FARS2: variants seen among roughly 807,000 people sequenced by gnomAD.
FARS2 encodes the protein phenylalanyl-tRNA synthetase 2, mitochondrial.
A neutral mutation model predicts 46.4 loss-of-function variants in FARS2; 40 were observed. The ratio of observed to expected loss-of-function variants is 0.86; its 90% CI spans 0.67 to 1.12. The LOEUF (loss-of-function observed/expected upper bound fraction) is 1.12. FARS2 is among the 50% of genes most tolerant of loss of function. The pLI is 0.00. For missense variants in FARS2, 513 were observed against 567.9 expected (o/e 0.90, Z 0.98); for synonymous variants, 234 against 214.9 (o/e 1.09, Z -0.78).
chr6:5,317,170 A>G (rs1441272347), intron 1 of FARS2, among the ~76,000 whole-genome samples: 3 of 152,244 alleles, frequency 2.0e-5, no homozygotes, highest in African/African-American at 7.2e-5. Context: ...TACAGCAAAC[A>G]GTAAAAACAG....
chr6:5,751,027 G>A (rs1467807237), intron 6 of FARS2, among the ~76,000 whole-genome samples: 2 of 152,064 alleles, frequency 1.3e-5, no homozygotes, highest in South Asian at 2.1e-4. Flanking sequence ...GGGTTTTGGG[G>A]GGCTGGGCCG....
At chr6:5,653,111 A>T (rs1777447634) in intron 6 of FARS2, among the ~76,000 whole-genome samples, 1 of 152,214 alleles carries the variant, frequency 6.6e-6, no homozygotes, top group Non-Finnish European at 1.5e-5. Context: ...CAGTAAATCT[A>T]ATCATAAATA....
At chr6:5,267,771 T>C (rs1405521350) in intron 1 of FARS2, among the ~76,000 whole-genome samples, 1 of 142,354 alleles carries the variant, frequency 7.0e-6, no homozygotes, top group South Asian at 2.2e-4. Context: ...AAAAAAAAAA[T>C]CGCCACACTG....
chr6:5,393,603 G>A (rs1422975035), intron 2 of FARS2, among the ~76,000 whole-genome samples: 4 of 152,258 alleles, frequency 2.6e-5, no homozygotes, highest in Non-Finnish European at 5.9e-5. Context: ...GTTGCAGTGA[G>A]CTGAGATCTT....
intron 5 of FARS2, among the ~76,000 whole-genome samples, chr6:5,552,366 A>C (rs1398304516): frequency 6.6e-6 from 1 of 152,220 alleles, no homozygotes; most frequent in African/African-American, 2.4e-5. Context: ...TCCCCTGGCC[A>C]GGAAACTCTG....
At chr6:5,645,227 A>G (rs1372217623) in intron 6 of FARS2, among the ~76,000 whole-genome samples, 2 of 152,214 alleles carry the variant, frequency 1.3e-5, no homozygotes, top group Non-Finnish European at 2.9e-5. Context: ...ACTGGACAAG[A>G]GTGCATTTAC....
intron 4 of FARS2, among the ~76,000 whole-genome samples, chr6:5,465,964 C>G (rs948302331): frequency 1.3e-5 from 2 of 152,088 alleles, no homozygotes; most frequent in Admixed American, 6.6e-5. Context: ...CAATTTTATC[C>G]TTATTTTTAA....
intron 4 of FARS2, among the ~76,000 whole-genome samples, chr6:5,441,858 G>T (rs1172234119): frequency 6.6e-6 from 1 of 152,176 alleles, no homozygotes; most frequent in Non-Finnish European, 1.5e-5. Context: ...ATATTGTCTT[G>T]AGCCTTTCTA....
chr6:5,669,751 G>C (rs1047415075), intron 6 of FARS2, among the ~76,000 whole-genome samples: 7 of 152,106 alleles, frequency 4.6e-5, no homozygotes, highest in African/African-American at 1.7e-4. Flanking sequence ...AGAGTGAAGC[G>C]GAGTGGCTGC....
intron 6 of FARS2, among the ~76,000 whole-genome samples, chr6:5,616,090 G>C (rs1214772311): frequency 4.0e-5 from 6 of 149,040 alleles, no homozygotes; most frequent in East Asian, 2.0e-4. Context: ...TCTGAGATGT[G>C]CCACTCTGTG....
intron 4 of FARS2, among the ~76,000 whole-genome samples, chr6:5,446,771 T>A: frequency 6.6e-6 from 1 of 152,202 alleles, no homozygotes; most frequent in Middle Eastern, 3.4e-3. Flanking sequence ...TTATAAGATA[T>A]ATATATATAG....
chr6:5,501,830 G>A (rs1255726531), intron 4 of FARS2, among the ~76,000 whole-genome samples: 1 of 152,174 alleles, frequency 6.6e-6, no homozygotes, highest in Non-Finnish European at 1.5e-5. Flanking sequence ...ATCATTACGG[G>A]TTGCATTAAA....
At chr6:5,767,448 A>G (rs953459094) in intron 6 of FARS2, among the ~76,000 whole-genome samples, 16 of 152,206 alleles carry the variant, frequency 1.1e-4, no homozygotes, top group African/African-American at 3.6e-4. Flanking sequence ...GTTTCAACAC[A>G]TGCTATCAAT....
chr6:5,410,149 G>GTTTT (rs1171325752), intron 3 of FARS2, among the ~76,000 whole-genome samples: 3,365 of 119,212 alleles, frequency 0.028, 92 homozygotes, highest in African/African-American at 0.038. Flanking sequence ...TCGTTTTTGT[G>GTTTT]TTTTTTTGTT....
chr6:5,761,669 A>T (rs1305981566), intron 6 of FARS2, among the ~76,000 whole-genome samples: 2 of 152,226 alleles, frequency 1.3e-5, no homozygotes, highest in Non-Finnish European at 2.9e-5. Flanking sequence ...CGAAAAGCAC[A>T]GGGCTTTGGA....
At chr6:5,617,095 G>A (rs1026280740) in intron 6 of FARS2, among the ~76,000 whole-genome samples, 2 of 151,790 alleles carry the variant, frequency 1.3e-5, no homozygotes, top group African/African-American at 4.8e-5. Flanking sequence ...CCCAGGGACA[G>A]ATCAGGCAGG....
At chr6:5,655,051 A>G (rs1777544306) in intron 6 of FARS2, among the ~76,000 whole-genome samples, 1 of 152,206 alleles carries the variant, frequency 6.6e-6, no homozygotes, top group Non-Finnish European at 1.5e-5. Flanking sequence ...GCTGTTGGCA[A>G]AGCTCTTGGT....
At chr6:5,259,968 G>A (rs1448679968), upstream of FARS2, among the ~76,000 whole-genome samples, 2 of 152,136 alleles carry the variant, frequency 1.3e-5, no homozygotes, top group East Asian at 1.9e-4. Context: ...GTGGGGAGGC[G>A]TGAGAAAAAG....
At chr6:5,257,087 A>C (rs1278763404), upstream of FARS2, among the ~76,000 whole-genome samples, 4 of 152,270 alleles carry the variant, frequency 2.6e-5, no homozygotes, top group East Asian at 7.7e-4. Context: ...GCCCCTCAAA[A>C]TCATCTTCTA....
Sources: gnomAD v4.1 joint callset for allele counts (sites outside exome capture counted in the v4.1 genomes callset) on GRCh38, gnomAD v4.1.1 for gene constraint, MANE v1.5 for transcripts, NCBI Gene and HGNC (gene_info 2026-07-23, HGNC 2026-07-21) for gene names.